The following CLHC1 variants were observed in gnomAD, a reference collection of about 807,000 sequenced individuals.
CLHC1 encodes the protein clathrin heavy chain linker domain-containing protein 1.
In CLHC1, 72 loss-of-function variants were observed where a neutral mutation model predicts 69.5. The observed-to-expected ratio is 1.04, with a 90% confidence interval of 0.86 to 1.26. The LOEUF (loss-of-function observed/expected upper bound fraction) is 1.26, where lower values mean the gene tolerates loss of function less well. Ranked by LOEUF, CLHC1 falls within the 50% of genes most tolerant of loss-of-function variation. The pLI is 0.00. For missense variants in CLHC1, 790 were observed against 679.3 expected (o/e 1.16, Z -1.81); for synonymous variants, 223 against 224.3 (o/e 0.99, Z 0.05).
intron 11 of CLHC1, among the ~76,000 whole-genome samples, chr2:55,178,780 G>A (rs72797558): frequency 6.6e-6 from 1 of 152,038 alleles, no homozygotes; most frequent in Non-Finnish European, 1.5e-5. Flanking sequence ...AACATAATTT[G>A]AACTCTGAAA....
In CLHC1 at chr2:55,208,618, A is replaced by G. The variant is rs1672667128; in HGVS notation, c.899+8T>C. ...ATTCTGAAAAATTAAAGCTTTTAAA[A>G]TATTTGCCTTTCAATGTAGTGAAGC... On this transcript the variant is annotated splice_region_variant and intron_variant, in intron 8 of 12. Coordinates refer to ENST00000401408, the MANE Select transcript of CLHC1 (RefSeq NM_152385.4). 13 of 1,557,696 alleles carry G rather than the reference A, an allele frequency of 8.3e-6. No homozygotes were observed. The highest frequency in any genetic ancestry group is 1.1e-5 in the Non-Finnish European group (12 of 1,130,984).
intron 9 of CLHC1, among the ~76,000 whole-genome samples, chr2:55,186,290 G>C (rs1186148028): frequency 6.6e-6 from 1 of 152,140 alleles, no homozygotes; most frequent in Non-Finnish European, 1.5e-5. Context: ...CAGTGGGGAA[G>C]AAATTAAGCT....
upstream of CLHC1, chr2:55,232,502 G>C (rs1001042669): frequency 2.2e-6 from 1 of 451,276 alleles, no homozygotes; most frequent in Non-Finnish European, 4.1e-6. Flanking sequence ...AGTTTCGAAA[G>C]CATTCCGAAG....
chr2:55,210,871 G>T (rs77491252), intron 5 of CLHC1, among the ~76,000 whole-genome samples: 13,874 of 151,338 alleles, frequency 0.092, 779 homozygotes, highest in Admixed American at 0.16. Context: ...TATATATAGA[G>T]AGAGAGAGAG....
chr2:55,230,380 C>G (rs2104175821), intron 1 of CLHC1, among the ~76,000 whole-genome samples: 1 of 152,196 alleles, frequency 6.6e-6, no homozygotes, highest in Admixed American at 6.5e-5. Context: ...ATGGGAAGAG[C>G]AATTTCATGA....
At chr2:55,209,150 G>T (rs1672739585) in intron 7 of CLHC1, among the ~76,000 whole-genome samples, 1 of 152,080 alleles carries the variant, frequency 6.6e-6, no homozygotes, top group South Asian at 2.1e-4. Context: ...TGGGATTACA[G>T]GCATGAGCCA....
rs369371873 is a variant in CLHC1, at chr2:55,212,649, A to T, written c.499+24T>A. 9.6e-4 allele frequency: 1,497 copies of T among 1,561,220 alleles called. 17 individuals carry two copies. The South Asian group carries it at 0.016, about 16-fold the overall frequency. ...TTGGAAATAATCAGGATTTCTCTCAAATATTTTAAACAAAATACAATACCT... is the reference window on the plus strand; with the variant it reads ...TTGGAAATAATCAGGATTTCTCTCATATATTTTAAACAAAATACAATACCT... On this transcript the variant is annotated intron_variant, in intron 5 of 12. Coordinates refer to ENST00000401408, the MANE Select transcript of CLHC1 (RefSeq NM_152385.4).
At chr2:55,206,868 A>C (rs1672495457) in intron 8 of CLHC1, 1 of 154,826 alleles carries the variant, frequency 6.5e-6, no homozygotes, top group Admixed American at 6.5e-5. Context: ...GCACTTTGGG[A>C]GACCGAGGAT....
intron 9 of CLHC1, 67 bp from the exon 10 acceptor site, chr2:55,181,811 A>G (rs1669966997): frequency 8.1e-7 from 1 of 1,239,314 alleles, no homozygotes; most frequent in Non-Finnish European, 1.1e-6. Context: ...CTTATCTCAT[A>G]TTACTATTTT....
At position 55,174,012 on chromosome 2, in the gene CLHC1, G is replaced by A. The variant is rs1558431588; in HGVS notation, c.*1778C>T. Among the ~76,000 whole-genome samples, 7 of 127,184 alleles carry A rather than the reference G, an allele frequency of 5.5e-5. No homozygotes were observed. The highest frequency in any genetic ancestry group is 5.0e-5 in the Non-Finnish European group (3 of 59,572). 83.4% of individuals were successfully genotyped at this position (127,184 alleles called of 152,430 possible). A position where few individuals can be genotyped will look rare whatever the true frequency, so the allele number is the denominator to read the frequency against. ...TCTATCAATCATATAGGTCTCAAAG[G>A]AAAAAAAAAAAAAAAAAGGTTTTAA... On this transcript the variant is annotated 3_prime_UTR_variant, in exon 13 of 13. Transcript: ENST00000401408.
intron 9 of CLHC1, among the ~76,000 whole-genome samples, chr2:55,200,471 G>A (rs1484724906): frequency 6.6e-6 from 1 of 152,080 alleles, no homozygotes; most frequent in Non-Finnish European, 1.5e-5. Context: ...AATTCAACAA[G>A]AGGACATAAC....
At chr2:55,228,809 C>A (rs866625747) in intron 1 of CLHC1, among the ~76,000 whole-genome samples, 1 of 152,132 alleles carries the variant, frequency 6.6e-6, no homozygotes, top group Non-Finnish European at 1.5e-5. Flanking sequence ...AAAACAAAGT[C>A]CCTAATCTCA....
At position 55,175,989 on chromosome 2, in the gene CLHC1, GT is replaced by G. The variant is rs758796938; in HGVS notation, c.1565-4del. On this transcript the variant is annotated splice_polypyrimidine_tract_variant and splice_region_variant and intron_variant, in intron 12 of 12. Transcript: ENST00000401408. ...TATCATAAGACTTTCTACTGCATCT[GT>G]GGGGAAAAAATACAATATTATAGTA... is the stretch of plus-strand genomic sequence containing the variant. 6 of 1,610,078 alleles carry G rather than the reference GT, an allele frequency of 3.7e-6. No individual in the cohort carries two copies. In the South Asian group the frequency reaches 6.6e-5, roughly 18 times the overall value.
chr2:55,184,126 G>T, intron 9 of CLHC1, among the ~76,000 whole-genome samples: 1 of 124,544 alleles, frequency 8.0e-6, no homozygotes, highest in African/African-American at 3.1e-5. Context: ...TTTTTTTCGA[G>T]ACAGGGTCTC....
chr2:55,207,616 G>A (rs1672572569), intron 8 of CLHC1, among the ~76,000 whole-genome samples: 1 of 152,072 alleles, frequency 6.6e-6, no homozygotes, highest in Admixed American at 6.6e-5. Flanking sequence ...TTACAGATAA[G>A]CGTCATAGCC....
At chr2:55,222,621 T>C (rs1350810032) in intron 2 of CLHC1, 128 bp from the exon 3 acceptor site, 3 of 420,656 alleles carry the variant, frequency 7.1e-6, no homozygotes, top group African/African-American at 4.1e-5. Flanking sequence ...TCAACCTATG[T>C]ATTAAAAGGT....
intron 9 of CLHC1, among the ~76,000 whole-genome samples, chr2:55,190,009 T>G (rs137957171): frequency 6.6e-6 from 1 of 152,236 alleles, no homozygotes; most frequent in East Asian, 1.9e-4. Flanking sequence ...GAACAAAGGT[T>G]AAGAAGAGTT....
At chr2:55,232,327 C>G, upstream of CLHC1, 1 of 227,514 alleles carries the variant, frequency 4.4e-6, no homozygotes, top group South Asian at 5.6e-5. Flanking sequence ...ACAAGTAGTC[C>G]AAGGTAGAAG....
chr2:55,185,846 T>G (rs1332768589), intron 9 of CLHC1, among the ~76,000 whole-genome samples: 1 of 152,250 alleles, frequency 6.6e-6, no homozygotes, highest in East Asian at 1.9e-4. Flanking sequence ...AAAATACTGC[T>G]GTGAACATTA....
Sources: gnomAD v4.1 joint callset for allele counts (sites outside exome capture counted in the v4.1 genomes callset) on GRCh38, gnomAD v4.1.1 for gene constraint, MANE v1.5 for transcripts, NCBI Gene and HGNC (gene_info 2026-07-23, HGNC 2026-07-21) for gene names.